ATG10: variants seen among roughly 807,000 people sequenced by gnomAD.
ATG10 encodes autophagy related 10.
ATG10 carries 30 observed loss-of-function variants against 32.1 expected under a neutral mutation model. The observed-to-expected ratio is 0.94, with a 90% CI of 0.70 to 1.27. The LOEUF (loss-of-function observed/expected upper bound fraction) is 1.27. ATG10 is among the 50% of genes most tolerant of loss of function. The pLI, the probability that ATG10 is intolerant of heterozygous loss-of-function variation, is 0.00. For missense variants in ATG10, 233 were observed against 262.3 expected (o/e 0.89, Z 0.77); for synonymous variants, 87 against 91.5 (o/e 0.95, Z 0.28).
chr5:82,219,245 T>A (rs981471547), intron 5 of ATG10, among the ~76,000 whole-genome samples: 2 of 152,244 alleles, frequency 1.3e-5, no homozygotes, highest in Non-Finnish European at 2.9e-5. Context: ...TTCATTTACA[T>A]CTGATTTTAG....
intron 5 of ATG10, among the ~76,000 whole-genome samples, chr5:82,233,286 C>T (rs774603068): frequency 6.6e-6 from 1 of 152,180 alleles, no homozygotes; most frequent in African/African-American, 2.4e-5. Context: ...CTGACACCAT[C>T]ACCAATGTTC....
intron 2 of ATG10, among the ~76,000 whole-genome samples, chr5:82,056,180 T>G (rs1394413810): frequency 6.6e-6 from 1 of 152,162 alleles, no homozygotes; most frequent in Non-Finnish European, 1.5e-5. Flanking sequence ...ATTTTTAAAC[T>G]AATAAACACA....
intron 4 of ATG10, among the ~76,000 whole-genome samples, chr5:82,175,887 G>C (rs77004963): frequency 1.5e-5 from 2 of 129,494 alleles, no homozygotes; most frequent in African/African-American, 5.1e-5. Flanking sequence ...ACACACACAC[G>C]CACACACACA....
At position 82,054,753 on chromosome 5, in the gene ATG10, G is replaced by A. The variant is rs574831244; in HGVS notation, c.109-3742G>A. Among the ~76,000 whole-genome samples the A allele has an allele frequency of 3.3e-5, 5 of 152,266 alleles. 1 individual carries two copies. The South Asian group carries it at 1.0e-3, about 32-fold the overall frequency. On this transcript the variant is annotated intron_variant, in intron 2 of 7. Transcript: ENST00000282185. ...TGTTTTCAGACTCTTTCTGGATCAG[G>A]TTGTTATGTGGGATGGAATCTGGAT...
At chr5:82,004,116 G>A (rs922216291) in intron 2 of ATG10, among the ~76,000 whole-genome samples, 1 of 140,692 alleles carries the variant, frequency 7.1e-6, no homozygotes, top group Non-Finnish European at 1.5e-5. Flanking sequence ...CTGCTCTGTC[G>A]CCCAGAACAA....
chr5:82,003,811 A>G (rs1761915718), intron 2 of ATG10, among the ~76,000 whole-genome samples: 1 of 152,224 alleles, frequency 6.6e-6, no homozygotes, highest in African/African-American at 2.4e-5. Flanking sequence ...GATGAGGGAA[A>G]GTCCTTCTCC....
chr5:82,149,039 T>C (rs914702987), intron 3 of ATG10, among the ~76,000 whole-genome samples: 4 of 152,120 alleles, frequency 2.6e-5, no homozygotes, highest in African/African-American at 9.7e-5. Context: ...AAATCCAAAA[T>C]ATATACGAGC....
At chr5:81,980,837 C>T (rs1434218620) in intron 1 of ATG10, among the ~76,000 whole-genome samples, 1 of 152,000 alleles carries the variant, frequency 6.6e-6, no homozygotes, top group Non-Finnish European at 1.5e-5. Flanking sequence ...ACCAGTGGAG[C>T]TAGAAACCAG....
intron 5 of ATG10, among the ~76,000 whole-genome samples, chr5:82,232,548 T>G (rs1746403115): frequency 6.6e-6 from 1 of 152,206 alleles, no homozygotes; most frequent in African/African-American, 2.4e-5. Flanking sequence ...TATTAATGCA[T>G]AGCTTGGATT....
At chr5:82,104,282 A>C (rs1461149137) in intron 3 of ATG10, among the ~76,000 whole-genome samples, 2 of 152,068 alleles carry the variant, frequency 1.3e-5, no homozygotes, top group Non-Finnish European at 2.9e-5. Context: ...TTCTAAGGTA[A>C]TTGTAATAAT....
intron 2 of ATG10, among the ~76,000 whole-genome samples, chr5:82,000,481 A>T (rs1278156687): frequency 6.6e-6 from 1 of 152,186 alleles, no homozygotes; most frequent in African/African-American, 2.4e-5. Context: ...ATCAGGTAAG[A>T]AAAAGAAAGA....
intron 3 of ATG10, among the ~76,000 whole-genome samples, chr5:82,084,015 G>A (rs549304893): frequency 3.9e-4 from 59 of 152,040 alleles, no homozygotes; most frequent in African/African-American, 1.1e-3. Context: ...TCAGACGATC[G>A]GTAATAACAG....
chr5:82,169,598 T>A (rs1046470099), intron 4 of ATG10, among the ~76,000 whole-genome samples: 1 of 152,174 alleles, frequency 6.6e-6, no homozygotes, highest in African/African-American at 2.4e-5. Flanking sequence ...ATTTGACAGA[T>A]AATTTAATTT....
chr5:82,141,728 A>G (rs1289662642), intron 3 of ATG10, among the ~76,000 whole-genome samples: 1 of 152,138 alleles, frequency 6.6e-6, no homozygotes, highest in Non-Finnish European at 1.5e-5. Flanking sequence ...TGCTCAGTGT[A>G]GTCTCCTTTT....
intron 5 of ATG10, among the ~76,000 whole-genome samples, chr5:82,180,485 A>G (rs559868982): frequency 1.1e-4 from 17 of 152,256 alleles, no homozygotes; most frequent in South Asian, 1.0e-3. Context: ...AACCCTAAAG[A>G]TTTGGCAAGA....
chr5:81,983,284 G>A (rs1156822864), intron 1 of ATG10, among the ~76,000 whole-genome samples: 2 of 145,382 alleles, frequency 1.4e-5, no homozygotes, highest in African/African-American at 2.6e-5. Flanking sequence ...TGGGCGGGGG[G>A]CTGACCCCCC....
chr5:82,179,841 A>G (rs1371624140), intron 5 of ATG10, among the ~76,000 whole-genome samples: 2 of 152,120 alleles, frequency 1.3e-5, no homozygotes, highest in Non-Finnish European at 2.9e-5. Context: ...AATCCTTAGC[A>G]TCTTGTAAGT....
At chr5:82,056,414 C>A (rs1257503924) in intron 2 of ATG10, among the ~76,000 whole-genome samples, 1 of 147,106 alleles carries the variant, frequency 6.8e-6, no homozygotes, top group East Asian at 2.0e-4. Flanking sequence ...CGTTTAATTA[C>A]ATGATGGCTG....
chr5:82,022,512 G>A (rs994332213), intron 2 of ATG10, among the ~76,000 whole-genome samples: 1 of 151,310 alleles, frequency 6.6e-6, no homozygotes, highest in African/African-American at 2.4e-5. Context: ...TTTGAGTAGA[G>A]ATGAAGTTTC....
Sources: gnomAD v4.1 joint callset for allele counts (sites outside exome capture counted in the v4.1 genomes callset) on GRCh38, gnomAD v4.1.1 for gene constraint, MANE v1.5 for transcripts, NCBI Gene and HGNC (gene_info 2026-07-23, HGNC 2026-07-21) for gene names.